The following EBF2 variants were observed in gnomAD, a reference collection of about 807,000 sequenced individuals.
The protein encoded by EBF2 is EBF transcription factor 2.
A neutral mutation model predicts 72.8 loss-of-function variants in EBF2; 21 were observed. The observed-to-expected ratio is 0.29, with a 90% CI of 0.20 to 0.42. The LOEUF (loss-of-function observed/expected upper bound fraction) is 0.42, where lower values mean the gene tolerates loss of function less well. Ranked by LOEUF, EBF2 falls within the 10% of genes least tolerant of loss-of-function variation. The probability of loss-of-function intolerance (pLI) is 1.00; values close to 1 mark genes in which losing one functional copy is unlikely to be tolerated. For synonymous variants in EBF2, 299 were observed against 274.2 expected (o/e 1.09, Z -0.89); for missense variants, 637 against 731.2 (o/e 0.87, Z 1.49).
At position 25,943,240 on chromosome 8, in the gene EBF2, A is replaced by G. The variant is rs566198057; in HGVS notation, c.552-34685T>C. Among the ~76,000 whole-genome samples the G allele has an allele frequency of 9.7e-4, 146 of 150,590 alleles. 1 individual carries two copies. The highest frequency in any genetic ancestry group is 3.4e-3 in the African/African-American group (139 of 40,854). On this transcript the variant is annotated intron_variant, in intron 6 of 15. Transcript: ENST00000520164. Reference sequence around the variant, plus strand: ...TCAGGGTTTTGGGAGGCCAAGGTGGAAGGATTGCTTGAGGCCAAGAGTTGG... The same window carrying G: ...TCAGGGTTTTGGGAGGCCAAGGTGGGAGGATTGCTTGAGGCCAAGAGTTGG...
At chr8:25,943,311 CA>C (rs71551840) in intron 6 of EBF2, among the ~76,000 whole-genome samples, 6,887 of 59,190 alleles carry the variant, frequency 0.12, 106 homozygotes, top group African/African-American at 0.14. Flanking sequence ...TGTCTCTACA[CA>C]AAAAAAAAAA....
intron 10 of EBF2, among the ~76,000 whole-genome samples, chr8:25,881,804 G>T (rs1563387284): frequency 6.6e-6 from 1 of 152,136 alleles, no homozygotes; most frequent in Non-Finnish European, 1.5e-5. Context: ...GGAACACCTG[G>T]GTGGCTGGAC....
At chr8:26,015,655 G>C (rs1805099233) in intron 6 of EBF2, among the ~76,000 whole-genome samples, 1 of 152,224 alleles carries the variant, frequency 6.6e-6, no homozygotes, top group Admixed American at 6.5e-5. Context: ...TAATGCTCCA[G>C]CAATCCAGAC....
intron 6 of EBF2, among the ~76,000 whole-genome samples, chr8:25,931,727 A>G (rs969344621): frequency 5.3e-5 from 8 of 152,024 alleles, no homozygotes; most frequent in East Asian, 1.9e-4. Flanking sequence ...CAAGGGGACT[A>G]TTTTGCTTGG....
chr8:25,934,865 C>T (rs77755901), intron 6 of EBF2, among the ~76,000 whole-genome samples: 7,633 of 151,790 alleles, frequency 0.05, 638 homozygotes, highest in African/African-American at 0.17. Flanking sequence ...CACAAAATCC[C>T]AAAGGCAAAT....
chr8:26,038,440 G>A (rs897878885), intron 5 of EBF2, among the ~76,000 whole-genome samples: 2 of 152,098 alleles, frequency 1.3e-5, no homozygotes, highest in Non-Finnish European at 2.9e-5. Context: ...AAAAATGTCA[G>A]TCTTAACTAC....
intron 6 of EBF2, among the ~76,000 whole-genome samples, chr8:25,992,468 G>T (rs1179671137): frequency 6.6e-6 from 1 of 152,092 alleles, no homozygotes; most frequent in Admixed American, 6.5e-5. Context: ...GTGTCTCATG[G>T]TTGTCATGCC....
chr8:25,908,558 G>T lies in EBF2; in HGVS notation c.552-3C>A. On this transcript the variant is annotated splice_polypyrimidine_tract_variant and splice_region_variant and intron_variant, in intron 6 of 15. Coordinates refer to ENST00000520164, the MANE Select transcript of EBF2 (RefSeq NM_022659.4). ...TGAGGAAAAATTTTAAAAAGAATCTGTGAAGAGAAAGCGATGTGTTACATT... is the reference window on the plus strand; with the variant it reads ...TGAGGAAAAATTTTAAAAAGAATCTTTGAAGAGAAAGCGATGTGTTACATT... 1 of 1,595,464 alleles carries T rather than the reference G, an allele frequency of 6.3e-7. No individual in the cohort carries two copies. The highest frequency in any genetic ancestry group is 1.1e-5 in the South Asian group (1 of 90,324).
At chr8:25,920,297 G>A (rs74423096) in intron 6 of EBF2, among the ~76,000 whole-genome samples, 1,932 of 152,318 alleles carry the variant, frequency 0.013, 44 homozygotes, top group African/African-American at 0.044. Context: ...AGGAACATGT[G>A]CACGTCTGTT....
chr8:26,012,336 T>C (rs1414390769), intron 6 of EBF2, among the ~76,000 whole-genome samples: 2 of 152,206 alleles, frequency 1.3e-5, no homozygotes, highest in African/African-American at 2.4e-5. Flanking sequence ...ATGTCCTTTA[T>C]ATGAAAATAG....
chr8:25,885,176 G>T (rs1802669024), intron 10 of EBF2, among the ~76,000 whole-genome samples: 1 of 150,534 alleles, frequency 6.6e-6, no homozygotes, highest in Non-Finnish European at 1.5e-5. Flanking sequence ...CTTATTTTCT[G>T]ACAAGTCAAG....
At chr8:25,907,450 A>T (rs1245083447) in intron 7 of EBF2, among the ~76,000 whole-genome samples, 7 of 144,008 alleles carry the variant, frequency 4.9e-5, no homozygotes, top group African/African-American at 1.9e-4. Context: ...AAAAAAAAAA[A>T]AAATTATTCA....
intron 6 of EBF2, among the ~76,000 whole-genome samples, chr8:26,020,548 C>A (rs1342909395): frequency 2.0e-5 from 3 of 152,168 alleles, no homozygotes; most frequent in East Asian, 1.9e-4. Context: ...AGGTTAGACA[C>A]CCACTAGAAA....
chr8:26,037,113 C>G (rs1805515599), intron 5 of EBF2, among the ~76,000 whole-genome samples: 1 of 152,146 alleles, frequency 6.6e-6, no homozygotes, highest in Non-Finnish European at 1.5e-5. Context: ...GAAACACTCT[C>G]AATTTATTCT....
In EBF2 at chr8:25,847,252, C is replaced by G. The variant is rs11997208; in HGVS notation, c.1697-2612G>C. On this transcript the variant is annotated intron_variant, in intron 15 of 15. Transcript: ENST00000520164. ...CAGACAATGAAGTCTAGAGAAGGGC[C>G]CCTCCCCAGCCTGCGATCACCCAGG... is the stretch of plus-strand genomic sequence containing the variant. Among the ~76,000 whole-genome samples, 558 of 152,164 alleles carry G rather than the reference C, an allele frequency of 3.7e-3. 2 individuals carry two copies. The highest frequency in any genetic ancestry group is 6.0e-3 in the Non-Finnish European group (407 of 68,004).
At chr8:25,891,030 T>C (rs1408971376) in intron 7 of EBF2, among the ~76,000 whole-genome samples, 1 of 152,198 alleles carries the variant, frequency 6.6e-6, no homozygotes, top group African/African-American at 2.4e-5. Context: ...TCCCATGGTC[T>C]AAGCTCGGGG....
At chr8:25,890,082 C>A (rs1007234590) in intron 7 of EBF2, among the ~76,000 whole-genome samples, 3 of 152,152 alleles carry the variant, frequency 2.0e-5, no homozygotes, top group Middle Eastern at 3.2e-3. Context: ...TGTCAAGAAC[C>A]TTTGCTCAAA....
intron 2 of EBF2, chr8:26,041,573 G>A (rs1585238702): frequency 6.2e-6 from 1 of 162,306 alleles, no homozygotes; most frequent in Admixed American, 5.8e-5. Context: ...CATAGGTTTC[G>A]GCGGACTGTC....
At chr8:26,021,805 G>GATGA (rs1805206722) in intron 6 of EBF2, among the ~76,000 whole-genome samples, 1 of 152,168 alleles carries the variant, frequency 6.6e-6, no homozygotes, top group Non-Finnish European at 1.5e-5. Flanking sequence ...TGAATGAATG[G>GATGA]ATGAATGAAT....
Sources: gnomAD v4.1 joint callset for allele counts (sites outside exome capture counted in the v4.1 genomes callset) on GRCh38, gnomAD v4.1.1 for gene constraint, MANE v1.5 for transcripts, NCBI Gene and HGNC (gene_info 2026-07-23, HGNC 2026-07-21) for gene names.